The following ASPDH variants were observed in gnomAD, a reference collection of about 807,000 sequenced individuals.
ASPDH encodes aspartate dehydrogenase domain-containing protein.
ASPDH carries 25 observed loss-of-function variants against 30.5 expected under a neutral mutation model. The ratio of observed to expected loss-of-function variants is 0.82; its 90% confidence interval spans 0.60 to 1.14. ASPDH has a LOEUF of 1.14. ASPDH is among the 50% of genes most tolerant of loss of function. ASPDH has a pLI of 0.00. For missense variants in ASPDH, 401 were observed against 381.5 expected (o/e 1.05, Z -0.43); for synonymous variants, 168 against 156.3 (o/e 1.07, Z -0.56).
At position 50,513,370 on chromosome 19, in the gene ASPDH, G is replaced by A. The variant is rs1169015007; in HGVS notation, c.99C>T (p.Gly33=). The A allele has an allele frequency of 2.6e-6, 4 of 1,540,346 alleles. No homozygotes were observed. The East Asian group carries it at 7.4e-5, about 28-fold the overall frequency. Residue 33 remains glycine (G), a synonymous_variant, in exon 2 of 7, where the codon GGC becomes GGT. Transcript: ENST00000389208. This position sits in a 1 kb window ranked among gnomAD's most constrained non-coding sequence, Gnocchi z 4.9. The stretch of plus-strand genomic sequence containing the variant: ...GATTCCAGACAAAAACAAGTTCTAG[G>A]CCAAGTTCTGGTCCCTGAGCCAAGA... ...SRLLAQGPEL[G]LELVFVWNRD...
Position 50,512,290 on chromosome 19 carries a change from G to C in ASPDH, c.654C>G (p.Ser218Arg), listed in dbSNP as rs774835411. 6.2e-7 allele frequency: 1 copy of C among 1,613,710 alleles called. No homozygotes were observed. Among genetic ancestry groups the C allele is most frequent in the Non-Finnish European group, 8.5e-7 (1 of 1,179,982 alleles). ...CATCCACCACGTGCATGTCCGTGAG[G>C]CTGGGACAAGAGGGGCAGTCAGTCT... Reference protein sequence around the residue: ...GVIGVLVADTSLTDMHVVDVE... With the variant: ...GVIGVLVADTRLTDMHVVDVE... The change falls in exon 6 of 7, where the codon AGC becomes AGG. Residue 218 changes from serine to arginine, a missense_variant and splice_region_variant. Ser to Arg is a moderately radical substitution (Grantham distance 110). Transcript: ENST00000389208.
At chr19:50,514,339 C>T (rs1343677290), upstream of ASPDH, 9 of 1,238,320 alleles carry the variant, frequency 7.3e-6, no homozygotes, top group Admixed American at 1.2e-4. Context: ...AGCGGGAGCC[C>T]TGGTTGTGGC....
chr19:50,512,130 C>G lies in ASPDH; in HGVS notation c.808+6G>C. 3.2e-6 allele frequency: 5 copies of G among 1,539,534 alleles called. No individual in the cohort carries two copies. Among genetic ancestry groups the G allele is most frequent in the Non-Finnish European group, 4.4e-6 (5 of 1,149,254 alleles). On this transcript the variant is annotated splice_donor_region_variant and intron_variant, in intron 6 of 6. Coordinates refer to ENST00000389208, the MANE Select transcript of ASPDH (RefSeq NM_001114598.2). ...CCAGGGCCGGGGGAGAGGGGCCTGG[C>G]CGCACCCAGGAGGCTCTGCCAGAAG...
Position 50,512,740 on chromosome 19 carries a change from T to C in ASPDH, c.353A>G (p.Asp118Gly). The change falls in exon 4 of 7, where the codon GAC becomes GGC. Residue 118 changes from aspartate (D) to glycine (G), a missense_variant. Coordinates refer to ENST00000389208, the MANE Select transcript of ASPDH (RefSeq NM_001114598.2). ...CCCTCGGGCCACAAACACGGCGTGGTCCCAGTGCTGTGAGGCCTCCAAGAG... is the reference window on the plus strand; with the variant it reads ...CCCTCGGGCCACAAACACGGCGTGGCCCCAGTGCTGTGAGGCCTCCAAGAG... The part of the protein sequence containing the change: ...RQLLEASQHW[D>G]HAVFVARGAL... 6.4e-7 allele frequency: 1 copy of C among 1,556,312 alleles called. No homozygotes were observed. Among genetic ancestry groups the C allele is most frequent in the Admixed American group, 2.0e-5 (1 of 51,130 alleles).
Position 50,511,604 on chromosome 19 carries a change from G to A in ASPDH, c.*126C>T, listed in dbSNP as rs897538136. On this transcript the variant is annotated 3_prime_UTR_variant, in exon 7 of 7. Coordinates refer to ENST00000389208, the MANE Select transcript of ASPDH (RefSeq NM_001114598.2). ...GGGATCAGAGACGCCAGGCGGTGCG[G>A]GGGGAGGCAGCGGTGATCTTTACTG... is the stretch of plus-strand genomic sequence containing the variant. 6 of 507,020 alleles carry A rather than the reference G, an allele frequency of 1.2e-5. No homozygotes were observed. Among genetic ancestry groups the A allele is most frequent in the African/African-American group, 4.0e-5 (2 of 49,848 alleles). The allele number at this position is 507,020 out of a possible 1,614,324, so 31.4% of individuals were successfully genotyped here.
At chr19:50,515,035 T>TG (rs1409309411), upstream of ASPDH, 7 of 984,972 alleles carry the variant, frequency 7.1e-6, no homozygotes, top group African/African-American at 7.0e-5. Flanking sequence ...CTCACGGAAG[T>TG]GGGGGGCCTC....
chr19:50,514,684 C>T (rs551644951), upstream of ASPDH: 892 of 1,511,786 alleles, frequency 5.9e-4, 6 homozygotes, highest in African/African-American at 0.01. Flanking sequence ...GCGCAGGCTG[C>T]GGCAGCGCAG....
Position 50,513,668 on chromosome 19 carries a change from C to G in ASPDH, c.52+104G>C. Reference sequence around the variant, plus strand: ...CAGTGGGCAGACCCAGAGACACAGCCAGGGGCAGATAGAGAGAGAAAAAAG... The same window carrying G: ...CAGTGGGCAGACCCAGAGACACAGCGAGGGGCAGATAGAGAGAGAAAAAAG... On this transcript the variant is annotated intron_variant, in intron 1 of 6. Coordinates refer to ENST00000389208, the MANE Select transcript of ASPDH (RefSeq NM_001114598.2). The surrounding 1 kb of genome is among the most constrained non-coding windows in gnomAD (Gnocchi z 4.9). 1.1e-6 allele frequency: 1 copy of G among 932,602 alleles called. No homozygotes were observed. The allele number at this position is 932,602 out of a possible 1,614,324, so 57.8% of individuals were successfully genotyped here.
chr19:50,513,006 G>C lies in ASPDH; in HGVS notation c.203C>G (p.Pro68Arg). The C allele has an allele frequency of 6.2e-7, 1 of 1,612,982 alleles. No homozygotes were observed. Among genetic ancestry groups the C allele is most frequent in the Non-Finnish European group, 8.5e-7 (1 of 1,179,414 alleles). The change falls in exon 3 of 7, where the codon CCT (proline) becomes CGT (arginine). Residue 68 changes from proline to arginine, a missense_variant. Coordinates refer to ENST00000389208, the MANE Select transcript of ASPDH (RefSeq NM_001114598.2). The surrounding 1 kb of genome is among the most constrained non-coding windows in gnomAD (Gnocchi z 4.9). ...ATGGGCCACTTCCACAACCAGATCA[G>C]GGCGCCTGGGAGAGGGGAAAGAGGG... ...QNLAALGERR[P>R]DLVVEVAHPK...
Position 50,513,409 on chromosome 19 carries a change from G to C in ASPDH, c.60C>G (p.Ser20=). 1 of 1,509,138 alleles carries C rather than the reference G, an allele frequency of 6.6e-7. No homozygotes were observed. Among genetic ancestry groups the C allele is most frequent in the Non-Finnish European group, 8.9e-7 (1 of 1,128,068 alleles). 93.5% of individuals were successfully genotyped at this position (1,509,138 alleles called of 1,614,324 possible). Residue 20 remains serine (S), a synonymous_variant, in exon 2 of 7, where the codon TCC becomes TCG. Transcript: ENST00000389208. The surrounding 1 kb of genome is among the most constrained non-coding windows in gnomAD (Gnocchi z 4.9). ...GVVGYGRLGQ[S]LVSRLLAQGP... ...CCTGAGCCAAGAGGCGGGAGACGAG[G>C]GACTGTCCTGGGGAGAGGGAAAGGA... is the stretch of plus-strand genomic sequence containing the variant.
upstream of ASPDH, chr19:50,514,395 C>T (rs1980137527): frequency 1.1e-5 from 17 of 1,591,502 alleles, no homozygotes; most frequent in South Asian, 1.3e-4. Flanking sequence ...CCTCCCTAGC[C>T]CCGCTGCGCA....
At chr19:50,511,950 G>GCACAGAGACTCAGGGGACGAGGA in intron 6 of ASPDH, 177 bp from the exon 7 acceptor site, 1 of 665,098 alleles carries the variant, frequency 1.5e-6, no homozygotes, top group Non-Finnish European at 2.5e-6. Flanking sequence ...TCAGAGGCGG[G>GCACAGAGACTCAGGGGACGAGGA]CACAAATGGA....
chr19:50,511,855 G>A lies in ASPDH; in HGVS notation c.809-82C>T, dbSNP rs150781238. 1,185 of 1,003,968 alleles carry A rather than the reference G, an allele frequency of 1.2e-3. 12 individuals are homozygous for A. In the African/African-American group the frequency reaches 0.017, roughly 14 times the overall value. The allele number at this position is 1,003,968 out of a possible 1,614,324, so 62.2% of individuals were successfully genotyped here. ...CTGGGGGAGGCAGTGGTGGGAGGAG[G>A]GGACAGGGCAGGGGGGCGGTGGAGG... On this transcript the variant is annotated intron_variant, in intron 6 of 6. Coordinates refer to ENST00000389208, the MANE Select transcript of ASPDH (RefSeq NM_001114598.2).
rs761221668 is a variant in ASPDH, at chr19:50,512,939, A to G, written c.270T>C (p.His90=). 6.0e-5 allele frequency: 96 copies of G among 1,613,278 alleles called. No individual in the cohort carries two copies. The highest frequency in any genetic ancestry group is 7.0e-5 in the Non-Finnish European group (82 of 1,179,702). Residue 90 remains histidine (H), a synonymous_variant, in exon 3 of 7, where the codon CAT becomes CAC. Coordinates refer to ENST00000389208, the MANE Select transcript of ASPDH (RefSeq NM_001114598.2). ...IHESGAQILR[H]ANLLVGSPSA... is the part of the protein sequence containing the mutation. ...GGGTGGGGCTTACCAGGAGATTGGC[A>G]TGGCGCAGGATTTGTGCCCCAGATT...
rs766607758 is a variant in ASPDH, at chr19:50,512,684, A to G, written c.409T>C (p.Leu137=). Residue 137 remains leucine (L), a synonymous_variant, in exon 4 of 7, where the codon TTG becomes CTG. Transcript: ENST00000389208. Reference sequence around the variant, plus strand: ...ACCCGGAGGCCCCCAGCTGCATCCAATCTCCTGATGTCCTCAGCGCCCCAC... The same window carrying G: ...ACCCGGAGGCCCCCAGCTGCATCCAGTCTCCTGATGTCCTCAGCGCCCCAC... The part of the protein sequence containing the change: ...ALWGAEDIRR[L]DAAGGLRSLR... 5 of 1,548,422 alleles carry G rather than the reference A, an allele frequency of 3.2e-6. No homozygotes were observed. The African/African-American group carries it at 6.8e-5, about 21-fold the overall frequency.
Position 50,513,730 on chromosome 19 carries a change from A to G in ASPDH, c.52+42T>C. On this transcript the variant is annotated intron_variant, in intron 1 of 6. Coordinates refer to ENST00000389208, the MANE Select transcript of ASPDH (RefSeq NM_001114598.2). This position sits in a 1 kb window ranked among gnomAD's most constrained non-coding sequence, Gnocchi z 4.9. ...GGCAGAGAGTCTTGGGAGCTTTAGG[A>G]AGGGGTTTGGGGAAGGAGGCCAAGG... is the stretch of plus-strand genomic sequence containing the variant. 7.1e-7 allele frequency: 1 copy of G among 1,415,744 alleles called. No homozygotes were observed. The highest frequency in any genetic ancestry group is 9.7e-7 in the Non-Finnish European group (1 of 1,025,694). The allele number at this position is 1,415,744 out of a possible 1,614,324, so 87.7% of individuals were successfully genotyped here. A position where few individuals can be genotyped will look rare whatever the true frequency, so the allele number is the denominator to read the frequency against.
upstream of ASPDH, chr19:50,514,828 C>T (rs926307287): frequency 1.4e-5 from 18 of 1,281,218 alleles, no homozygotes; most frequent in Middle Eastern, 6.3e-4. Context: ...CACTGGGTGG[C>T]GAGAGCCCCA....
chr19:50,513,259 C>A lies in ASPDH; in HGVS notation c.197+13G>T. The A allele has an allele frequency of 6.9e-7, 1 of 1,457,844 alleles. No homozygotes were observed. The allele number at this position is 1,457,844 out of a possible 1,614,324, so 90.3% of individuals were successfully genotyped here. A position where few individuals can be genotyped will look rare whatever the true frequency, so the allele number is the denominator to read the frequency against. On this transcript the variant is annotated intron_variant, in intron 2 of 6. Transcript: ENST00000389208. This position sits in a 1 kb window ranked among gnomAD's most constrained non-coding sequence, Gnocchi z 4.9. Reference sequence around the variant, plus strand: ...TTCAGGGAGCTCCACTCTCCCATGGCAAGGTCACTGACCTTTCCCCAAGGG... The same window carrying A: ...TTCAGGGAGCTCCACTCTCCCATGGAAAGGTCACTGACCTTTCCCCAAGGG...
chr19:50,512,628 C>A (rs1376097348), intron 4 of ASPDH, 33 bp downstream of exon 4: 13 of 1,512,556 alleles, frequency 8.6e-6, no homozygotes, highest in Non-Finnish European at 1.2e-5. Context: ...TTGCAGGCCT[C>A]CCCTGGTTCC....
Sources: allele counts gnomAD v4.1 joint callset, GRCh38; gene constraint gnomAD v4.1.1; non-coding constraint Gnocchi (gnomAD v3.1); transcripts MANE v1.5; gene names NCBI Gene and HGNC (gene_info 2026-07-23, HGNC 2026-07-21).